The following CYP26A1 variants were observed in gnomAD, a reference collection of about 807,000 sequenced individuals.
CYP26A1 encodes the protein cytochrome P450 family 26 subfamily A member 1, also known as cytochrome P450 26A1.
In CYP26A1, 46 loss-of-function variants were observed where a neutral mutation model predicts 47.4. The observed-to-expected ratio is 0.97, with a 90% CI of 0.77 to 1.24. The LOEUF is 1.24. CYP26A1 is among the 50% of genes most tolerant of loss of function. CYP26A1 has a pLI of 0.00. For synonymous variants in CYP26A1, 277 were observed against 263.7 expected, an observed-to-expected ratio of 1.05 and a Z score of -0.49; for missense variants, 680 against 644.4, an observed-to-expected ratio of 1.06 and a Z score of -0.60.
intron 4 of CYP26A1, chr10:93,075,537 G>A: frequency 1.7e-6 from 1 of 598,076 alleles, no homozygotes; most frequent in African/African-American, 1.9e-5. Flanking sequence ...AGGTTTCAAA[G>A]GGAAAGTTGG....
At chr10:93,076,904 T>C (rs1479635410) in intron 6 of CYP26A1, 59 bp from the exon 7 acceptor site, 5 of 1,213,970 alleles carry the variant, frequency 4.1e-6, no homozygotes, top group Non-Finnish European at 5.8e-6. Context: ...TGACTGCTTT[T>C]TGTTGTTGAA....
chr10:93,074,332 C>G lies in CYP26A1; in HGVS notation c.214C>G (p.Arg72Gly), dbSNP rs1309555589. 6.2e-7 allele frequency: 1 copy of G among 1,607,074 alleles called. No homozygotes were observed. Among genetic ancestry groups the G allele is most frequent in the Non-Finnish European group, 8.5e-7 (1 of 1,174,490 alleles). ...GCGGAGGAAGTTCCTGCAGATGAAG[C>G]GCAGGAAATACGGCTTCATCTACAA... ...LQRRKFLQMK[R>G]RKYGFIYKTH... Residue 72 changes from arginine (R) to glycine (G), a missense_variant, in exon 2 of 7, where the codon CGC becomes GGC. By Grantham distance (125) the Arg-to-Gly change is moderately radical (BLOSUM62 -2). Transcript: ENST00000224356. This position sits in a 1 kb window ranked among gnomAD's most constrained non-coding sequence, Gnocchi z 5.3.
chr10:93,073,699 A>C, upstream of CYP26A1: 3 of 523,208 alleles, frequency 5.7e-6, no homozygotes, highest in Non-Finnish European at 1.0e-5. Context: ...CTCGGAGGGA[A>C]GCCGCCACCG....
At position 93,077,280 on chromosome 10, in the gene CYP26A1, C is replaced by G. The variant is rs1188921559; in HGVS notation, c.1470C>G (p.Phe490Leu). 1 of 1,541,294 alleles carries G rather than the reference C, an allele frequency of 6.5e-7. No homozygotes were observed. The highest frequency in any genetic ancestry group is 8.7e-7 in the Non-Finnish European group (1 of 1,143,152). ...VYPVDNLPAR[F>L]THFHGEI ...CTGTGGACAATCTCCCTGCAAGATT[C>G]ACCCATTTCCATGGGGAAATCTGAT... Residue 490 changes from phenylalanine (F) to leucine (L), a missense_variant, in exon 7 of 7, where the codon TTC becomes TTG. By Grantham distance (22) the Phe-to-Leu change is conservative. Coordinates refer to ENST00000224356, the MANE Select transcript of CYP26A1 (RefSeq NM_000783.4).
At chr10:93,073,725 G>C (rs973635849), upstream of CYP26A1, 21 of 539,246 alleles carry the variant, frequency 3.9e-5, no homozygotes, top group South Asian at 1.9e-4. Flanking sequence ...CCTCTGCCTC[G>C]GCGCGGAACA....
At chr10:93,076,132 T>C (rs557254332) in intron 5 of CYP26A1, among the ~76,000 whole-genome samples, 172 bp downstream of exon 5, 47 of 151,868 alleles carry the variant, frequency 3.1e-4, no homozygotes, top group Non-Finnish European at 6.0e-4. Context: ...CAGGATGGAG[T>C]CTTGAGCTGT....
In CYP26A1 at chr10:93,077,564, A is replaced by G. The variant is rs1846993949; in HGVS notation, c.*260A>G. 1.3e-5 allele frequency: 3 copies of G among 239,420 alleles called. No individual in the cohort carries two copies. The highest frequency in any genetic ancestry group is 8.4e-5 in the East Asian group (1 of 11,852). 14.8% of individuals were successfully genotyped at this position (239,420 alleles called of 1,614,324 possible). On this transcript the variant is annotated 3_prime_UTR_variant, in exon 7 of 7. Coordinates refer to ENST00000224356, the MANE Select transcript of CYP26A1 (RefSeq NM_000783.4). ...GTTTAGTATTTTCTTAGTGTATTTA[A>G]CCAGATTTTACAATGCCTACCTGGA...
At position 93,076,552 on chromosome 10, in the gene CYP26A1, T is replaced by G; in HGVS notation, c.1008T>G (p.Leu336=). The G allele has an allele frequency of 6.2e-7, 1 of 1,606,658 alleles. No individual in the cohort carries two copies. The highest frequency in any genetic ancestry group is 8.5e-7 in the Non-Finnish European group (1 of 1,175,114). The change falls in exon 6 of 7, where the codon CTT becomes CTG. Residue 336 remains leucine (L), a synonymous_variant. Transcript: ENST00000224356. ...VREELKSKGL[L]CKSNQDNKLD... ...TATGACTGTTTTGATAGGGTTTACT[T>G]TGCAAGAGCAATCAAGACAACAAGT... is the stretch of plus-strand genomic sequence containing the variant.
In CYP26A1 at chr10:93,074,615, C is replaced by T; in HGVS notation, c.414+83C>T. 1 of 1,121,242 alleles carries T rather than the reference C, an allele frequency of 8.9e-7. No individual in the cohort carries two copies. Among genetic ancestry groups the T allele is most frequent in the Non-Finnish European group, 1.3e-6 (1 of 741,618 alleles). 69.5% of individuals were successfully genotyped at this position (1,121,242 alleles called of 1,614,324 possible). On this transcript the variant is annotated intron_variant, in intron 2 of 6. Transcript: ENST00000224356. The surrounding 1 kb of genome is among the most constrained non-coding windows in gnomAD (Gnocchi z 5.3). ...CCGGCTGATGGATGCTAGGCGCGGG[C>T]TAGCAGCTTGAGGTGGGCTAGGACC... is the stretch of plus-strand genomic sequence containing the variant.
chr10:93,074,130 G>GT lies in CYP26A1; in HGVS notation c.189+7_189+8insT. On this transcript the variant is annotated splice_region_variant and intron_variant, in intron 1 of 6. Transcript: ENST00000224356. This position sits in a 1 kb window ranked among gnomAD's most constrained non-coding sequence, Gnocchi z 5.3. The stretch of plus-strand genomic sequence containing the variant: ...CTTGCAGATGGTACTGCAGGTAAGG[G>GT]AGGGTGGGGCGGGACAGGCTGCTTC... 1 of 1,502,004 alleles carries GT rather than the reference G, an allele frequency of 6.7e-7. No individual in the cohort carries two copies. The highest frequency in any genetic ancestry group is 9.1e-7 in the Non-Finnish European group (1 of 1,104,768). 93.0% of individuals were successfully genotyped at this position (1,502,004 alleles called of 1,614,324 possible).
Position 93,075,015 on chromosome 10 carries a change from G to A in CYP26A1, c.651G>A (p.Met217Ile). Residue 217 changes from methionine to isoleucine, a missense_variant, in exon 3 of 7, where the codon ATG becomes ATA. Physicochemically the swap from Met to Ile is conservative, Grantham distance 10. Coordinates refer to ENST00000224356, the MANE Select transcript of CYP26A1 (RefSeq NM_000783.4). Reference protein sequence around the residue: ...EQQLVEAFEEMTRNLFSLPID... With the variant: ...EQQLVEAFEEITRNLFSLPID... ...AGCTTGTGGAGGCCTTCGAGGAAAT[G>A]ACCCGCAATCTCTTCTCGCTGCCCA... The A allele has an allele frequency of 3.1e-6, 5 of 1,613,094 alleles. No homozygotes were observed. Among genetic ancestry groups the A allele is most frequent in the Non-Finnish European group, 4.2e-6 (5 of 1,180,016 alleles).
intron 5 of CYP26A1, among the ~76,000 whole-genome samples, 185 bp downstream of exon 5, chr10:93,076,145 GC>G (rs1387155930): frequency 6.6e-6 from 1 of 152,192 alleles, no homozygotes; most frequent in African/African-American, 2.4e-5. Context: ...TGAGCTGTGA[GC>G]CCACTTGGGC....
chr10:93,077,866 T>C lies in CYP26A1; in HGVS notation c.*562T>C, dbSNP rs1590145885. On this transcript the variant is annotated 3_prime_UTR_variant, in exon 7 of 7. Transcript: ENST00000224356. ...CTTATCTAACATGTCATAAACATAATAAATCTGTGTTGTCCAATAGTGCCA... is the reference window on the plus strand; with the variant it reads ...CTTATCTAACATGTCATAAACATAACAAATCTGTGTTGTCCAATAGTGCCA... 6.6e-6 allele frequency: 1 copy of C among 152,244 alleles called. No individual in the cohort carries two copies. Among genetic ancestry groups the C allele is most frequent in the East Asian group, 1.9e-4 (1 of 5,198 alleles). 9.4% of individuals were successfully genotyped at this position (152,244 alleles called of 1,614,324 possible).
At position 93,074,066 on chromosome 10, in the gene CYP26A1, GC is replaced by G. The variant is rs753939763; in HGVS notation, c.138del (p.Thr48LeufsTer23). On this transcript the variant is annotated frameshift_variant, in exon 1 of 7. Transcript: ENST00000224356. LOFTEE classifies it high-confidence loss of function. The surrounding 1 kb of genome is among the most constrained non-coding windows in gnomAD (Gnocchi z 5.3). ...GCGACCGCAGTTGTGCCCTCCCATT[GC>G]CCCCCGGGACTATGGGCTTCCCCTT... ...GRDRSCALPL[P>X]PGTMGFPFFG... The G allele has an allele frequency of 7.4e-7, 1 of 1,354,464 alleles. No homozygotes were observed. Among genetic ancestry groups the G allele is most frequent in the Non-Finnish European group, 9.8e-7 (1 of 1,017,590 alleles). 83.9% of individuals were successfully genotyped at this position (1,354,464 alleles called of 1,614,324 possible).
rs769546059 is a variant in CYP26A1 at position 93,077,166 on chromosome 10, C to T, written c.1356C>T (p.Leu452=). The T allele has an allele frequency of 1.2e-6, 2 of 1,613,790 alleles. No individual in the cohort carries two copies. The highest frequency in any genetic ancestry group is 8.5e-7 in the Non-Finnish European group (1 of 1,179,874). The change falls in exon 7 of 7, where the codon CTC becomes CTT. Residue 452 remains leucine, a synonymous_variant. Transcript: ENST00000224356. Reference sequence around the variant, plus strand: ...GCAAAGAATTTGCAAAAATTCTTCTCAAAATATTTACAGTGGAGCTGGCCA... The same window carrying T: ...GCAAAGAATTTGCAAAAATTCTTCTTAAAATATTTACAGTGGAGCTGGCCA... ...CVGKEFAKIL[L]KIFTVELARH...
rs766712317 is a variant in CYP26A1, at chr10:93,075,187, G to A, written c.744G>A (p.Glu248=). The change falls in exon 4 of 7, where the codon GAG becomes GAA. Residue 248 remains glutamate, a synonymous_variant. Transcript: ENST00000224356. ...GGAACCTCATTCACGCGCGCATCGA[G>A]CAGAACATTCGCGCCAAGATCTGCG... ...KARNLIHARI[E]QNIRAKICGL... The A allele has an allele frequency of 6.8e-6, 11 of 1,613,740 alleles. No individual in the cohort carries two copies. In the African/African-American group the frequency reaches 1.5e-4, roughly 22 times the overall value.
At chr10:93,076,851 C>A (rs1051702361) in intron 6 of CYP26A1, 112 bp from the exon 7 acceptor site, 8 of 918,460 alleles carry the variant, frequency 8.7e-6, no homozygotes, top group Non-Finnish European at 1.3e-5. Context: ...CTCTTTCTAC[C>A]TCTCCCTTGC....
chr10:93,073,515 C>T (rs1846924169), upstream of CYP26A1: 1 of 189,126 alleles, frequency 5.3e-6, no homozygotes, highest in Non-Finnish European at 1.1e-5. Flanking sequence ...CTGCTTTGGG[C>T]CGGGGCAGCG....
chr10:93,073,503 G>A (rs529345178), upstream of CYP26A1: 1 of 180,878 alleles, frequency 5.5e-6, no homozygotes, highest in African/African-American at 2.4e-5. Flanking sequence ...AGCCAGTGAA[G>A]GCTGCTTTGG....
Sources: gnomAD v4.1 joint callset for allele counts (sites outside exome capture counted in the v4.1 genomes callset) on GRCh38, gnomAD v4.1.1 for gene constraint, Gnocchi (gnomAD v3.1) non-coding constraint, MANE v1.5 for transcripts, NCBI Gene and HGNC (gene_info 2026-07-23, HGNC 2026-07-21) for gene names.